Variants in PRKCA observed in about 807,000 individuals in gnomAD.
PRKCA encodes protein kinase C alpha.
Under a neutral mutation model 87.0 loss-of-function variants are expected in PRKCA, and 27 were observed. The ratio of observed to expected loss-of-function variants is 0.31; its 90% CI spans 0.23 to 0.43. The LOEUF (loss-of-function observed/expected upper bound fraction) is 0.43, where lower values mean the gene tolerates loss of function less well. Ranked by LOEUF, PRKCA falls within the 20% of genes least tolerant of loss-of-function variation. PRKCA has a pLI of 1.00. For synonymous variants in PRKCA, 329 were observed against 311.1 expected, an observed-to-expected ratio of 1.06 and a Z score of -0.61; for missense variants, 518 against 852.3, an observed-to-expected ratio of 0.61 and a Z score of 4.88.
At chr17:66,303,685 C>T (rs887198200) in intron 1 of PRKCA, among the ~76,000 whole-genome samples, 7 of 152,074 alleles carry the variant, frequency 4.6e-5, no homozygotes, top group Admixed American at 1.3e-4. Flanking sequence ...GCAAATGGCA[C>T]AAGGGCAGAG....
intron 3 of PRKCA, among the ~76,000 whole-genome samples, chr17:66,636,878 A>G (rs1971163462): frequency 6.6e-6 from 1 of 152,200 alleles, no homozygotes; most frequent in Non-Finnish European, 1.5e-5. Flanking sequence ...CTCTTCTCAT[A>G]GGAGACTCTC....
At chr17:66,413,130 A>G (rs372627518) in intron 2 of PRKCA, among the ~76,000 whole-genome samples, 1 of 152,184 alleles carries the variant, frequency 6.6e-6, no homozygotes, top group African/African-American at 2.4e-5. Flanking sequence ...TCAGATGCCA[A>G]CGTAAATCGC....
chr17:66,732,577 A>T, intron 8 of PRKCA, 111 bp from the exon 9 acceptor site: 16 of 1,333,572 alleles, frequency 1.2e-5, no homozygotes, highest in Non-Finnish European at 1.6e-5. Context: ...TCCTTTTCTC[A>T]CCCCATCCCA....
At chr17:66,410,876 A>G (rs1911753297) in intron 2 of PRKCA, among the ~76,000 whole-genome samples, 1 of 151,950 alleles carries the variant, frequency 6.6e-6, no homozygotes, top group Non-Finnish European at 1.5e-5. Flanking sequence ...TTGCCCAGCC[A>G]GGTAGTTGAA....
intron 5 of PRKCA, among the ~76,000 whole-genome samples, chr17:66,678,541 A>G (rs1380702449): frequency 6.6e-6 from 1 of 152,116 alleles, no homozygotes; most frequent in Admixed American, 6.5e-5. Flanking sequence ...AGCATACTCC[A>G]CTTAGTGGTG....
intron 3 of PRKCA, among the ~76,000 whole-genome samples, chr17:66,637,619 A>T (rs192686059): frequency 6.6e-6 from 1 of 151,710 alleles, no homozygotes; most frequent in African/African-American, 2.4e-5. Flanking sequence ...TAAACCACTG[A>T]CCTGCCTCGA....
intron 3 of PRKCA, among the ~76,000 whole-genome samples, chr17:66,616,205 A>C (rs913611344): frequency 2.6e-5 from 4 of 152,198 alleles, no homozygotes; most frequent in Non-Finnish European, 4.4e-5. Flanking sequence ...TGAAATAGTA[A>C]AAATTTGTAG....
chr17:66,743,936 C>T (rs985404919), intron 13 of PRKCA, among the ~76,000 whole-genome samples: 12 of 152,152 alleles, frequency 7.9e-5, no homozygotes, highest in South Asian at 2.1e-4. Flanking sequence ...AGTTACTTAA[C>T]GTCTCTGAAC....
Position 66,690,827 on chromosome 17 carries a change from C to CAA in PRKCA, c.918+1804_918+1805dup, listed in dbSNP as rs34671486. Among the ~76,000 whole-genome samples the CAA allele has an allele frequency of 2.1e-3, 141 of 66,494 alleles. 1 individual carries two copies. Among genetic ancestry groups the CAA allele is most frequent in the African/African-American group, 6.3e-3 (105 of 16,714 alleles). The allele number at this position is 66,494 out of a possible 152,430, so 43.6% of individuals were successfully genotyped here. On this transcript the variant is annotated intron_variant, in intron 8 of 16. Coordinates refer to ENST00000413366, the MANE Select transcript of PRKCA (RefSeq NM_002737.3). The stretch of plus-strand genomic sequence containing the variant: ...TGGGCAACAGAGCAAGACTCTGTCT[C>CAA]AAAAAAAAAAAAAAAAAAAAAAAAA...
At chr17:66,591,523 C>T (rs1409846968) in intron 3 of PRKCA, among the ~76,000 whole-genome samples, 1 of 152,146 alleles carries the variant, frequency 6.6e-6, no homozygotes, top group Non-Finnish European at 1.5e-5. Flanking sequence ...ATTCCCTCAG[C>T]CATTTAAAAG....
chr17:66,549,573 G>A (rs1968263385), intron 3 of PRKCA, among the ~76,000 whole-genome samples: 1 of 152,132 alleles, frequency 6.6e-6, no homozygotes, highest in Non-Finnish European at 1.5e-5. Context: ...CACTTTAAAG[G>A]GGGCAGAAAC....
rs144092618 is a variant in PRKCA, at chr17:66,540,944, G to A, written c.288+44661G>A. 3.4e-4 allele frequency among the ~76,000 whole-genome samples: 52 copies of A among 152,258 alleles called. 1 individual carries two copies. In the East Asian group the frequency reaches 5.6e-3, roughly 16 times the overall value. ...GGTCACACCTATGGTATCCCACACT[G>A]TGGAAAATGACCAAATAAGACAAGG... On this transcript the variant is annotated intron_variant, in intron 3 of 16. Coordinates refer to ENST00000413366, the MANE Select transcript of PRKCA (RefSeq NM_002737.3).
chr17:66,786,029 C>G (rs1052679814), intron 14 of PRKCA, among the ~76,000 whole-genome samples: 2 of 152,168 alleles, frequency 1.3e-5, no homozygotes, highest in Non-Finnish European at 2.9e-5. Flanking sequence ...GGGGTTTCAC[C>G]ATGTTAGCCA....
chr17:66,706,402 G>T (rs1395850094), intron 8 of PRKCA, among the ~76,000 whole-genome samples: 1 of 151,928 alleles, frequency 6.6e-6, no homozygotes, highest in Non-Finnish European at 1.5e-5. Context: ...TTGGGAGGCC[G>T]AGGCAGGCAG....
intron 2 of PRKCA, among the ~76,000 whole-genome samples, chr17:66,321,488 A>G (rs926849131): frequency 4.6e-5 from 7 of 152,188 alleles, no homozygotes; most frequent in Admixed American, 2.6e-4. Context: ...TGTGCCTGCT[A>G]TATGGATGTT....
At chr17:66,492,511 T>TA (rs1057068452) in intron 2 of PRKCA, among the ~76,000 whole-genome samples, 19 of 152,208 alleles carry the variant, frequency 1.2e-4, no homozygotes, top group Admixed American at 2.6e-4. Context: ...TGGTTTTTTT[T>TA]AAAAAGAGAT....
At chr17:66,324,754 G>A (rs919046080) in intron 2 of PRKCA, among the ~76,000 whole-genome samples, 4 of 152,224 alleles carry the variant, frequency 2.6e-5, no homozygotes, top group African/African-American at 9.6e-5. Context: ...CTGTGTAAAT[G>A]AGGGAATTAG....
At chr17:66,529,530 C>T (rs997670069) in intron 3 of PRKCA, among the ~76,000 whole-genome samples, 7 of 152,138 alleles carry the variant, frequency 4.6e-5, no homozygotes, top group Non-Finnish European at 8.8e-5. Flanking sequence ...ATTGACATTA[C>T]CCGATGAGCT....
intron 2 of PRKCA, among the ~76,000 whole-genome samples, chr17:66,470,190 CTTT>C (rs546468555): frequency 0.013 from 1,309 of 101,458 alleles, 30 homozygotes; most frequent in Admixed American, 0.067. Context: ...AACCAGTTTG[CTTT>C]TTTTTTTTTT....
Sources: gnomAD v4.1 joint callset for allele counts (sites outside exome capture counted in the v4.1 genomes callset) on GRCh38, gnomAD v4.1.1 for gene constraint, MANE v1.5 for transcripts, NCBI Gene and HGNC (gene_info 2026-07-23, HGNC 2026-07-21) for gene names.